PLEKHM1: variants seen among roughly 807,000 people sequenced by gnomAD.
PLEKHM1 encodes the protein pleckstrin homology and RUN domain containing M1, also known as pleckstrin homology domain-containing family M member 1.
Under a neutral mutation model 94.3 loss-of-function variants are expected in PLEKHM1, and 28 were observed. The ratio of observed to expected loss-of-function variants is 0.30; its 90% CI spans 0.22 to 0.41. PLEKHM1 has a LOEUF of 0.41. Ranked by LOEUF, PLEKHM1 falls within the 10% of genes least tolerant of loss-of-function variation. PLEKHM1 has a pLI of 1.00. For missense variants in PLEKHM1, 907 were observed against 1,358.6 expected (o/e 0.67, Z 5.22); for synonymous variants, 424 against 581.2 (o/e 0.73, Z 3.89).
intron 5 of PLEKHM1, among the ~76,000 whole-genome samples, chr17:45,464,550 G>A (rs980111708): frequency 2.6e-5 from 4 of 152,114 alleles, no homozygotes; most frequent in African/African-American, 4.8e-5. Flanking sequence ...AGGCCCACAT[G>A]AGCTGGCAGG....
At chr17:45,479,007 C>T (rs938229592) in intron 2 of PLEKHM1, among the ~76,000 whole-genome samples, 6 of 123,866 alleles carry the variant, frequency 4.8e-5, no homozygotes, top group African/African-American at 1.8e-4. Context: ...CTCCTGAGGA[C>T]AGGACTACCT....
intron 4 of PLEKHM1, among the ~76,000 whole-genome samples, chr17:45,474,306 C>T (rs2037442): frequency 0.56 from 84,796 of 151,846 alleles, 23,653 homozygotes; most frequent in South Asian, 0.62. Context: ...ATCCACCTGC[C>T]TTGGCCTCCC....
At chr17:45,470,165 G>C (rs1353386481) in intron 4 of PLEKHM1, among the ~76,000 whole-genome samples, 9 of 152,140 alleles carry the variant, frequency 5.9e-5, no homozygotes, top group Non-Finnish European at 8.8e-5. Context: ...GAGATAAGTG[G>C]ATAATCACAT....
intron 6 of PLEKHM1, chr17:45,454,518 C>T (rs1398330950): frequency 6.5e-6 from 4 of 615,242 alleles, no homozygotes; most frequent in Non-Finnish European, 1.2e-5. Flanking sequence ...CAAAAGATCC[C>T]CTCCACACGC....
In PLEKHM1 at chr17:45,468,374, G is replaced by C. The variant is rs763507030; in HGVS notation, c.1143C>G (p.Pro381=). 1 of 1,614,140 alleles carries C rather than the reference G, an allele frequency of 6.2e-7. No homozygotes were observed. The highest frequency in any genetic ancestry group is 8.5e-7 in the Non-Finnish European group (1 of 1,180,012). ...CAGGCTGCTGTAAGTCCAGGGGGCT[G>C]GGCGCCTGGGGACGCGGCTCCTGCA... The part of the protein sequence containing the change: ...VHVQEPRPQA[P]SPLDLQQPVE... Residue 381 remains proline, a synonymous_variant, in exon 5 of 12, where the codon CCC becomes CCG. Coordinates refer to ENST00000430334, the MANE Select transcript of PLEKHM1 (RefSeq NM_014798.3).
rs775474818 is a variant in PLEKHM1 at position 45,437,569 on chromosome 17, C to T, written c.*289G>A. 2.5e-5 allele frequency: 16 copies of T among 637,036 alleles called. No homozygotes were observed. Among genetic ancestry groups the T allele is most frequent in the South Asian group, 1.5e-4 (10 of 66,106 alleles). 39.5% of individuals were successfully genotyped at this position (637,036 alleles called of 1,614,324 possible). A position where few individuals can be genotyped will look rare whatever the true frequency, so the allele number is the denominator to read the frequency against. ...GGCAGCCCTAACGGAGGCGCCGGGACGCTGGTGAGCCAGGGCCTGGTGAGT... is the reference window on the plus strand; with the variant it reads ...GGCAGCCCTAACGGAGGCGCCGGGATGCTGGTGAGCCAGGGCCTGGTGAGT... On this transcript the variant is annotated 3_prime_UTR_variant, in exon 12 of 12. Transcript: ENST00000430334. This position sits in a 1 kb window ranked among gnomAD's most constrained non-coding sequence, Gnocchi z 4.0.
chr17:45,437,775 T>C lies in PLEKHM1; in HGVS notation c.*83A>G, dbSNP rs1178516708. On this transcript the variant is annotated 3_prime_UTR_variant, in exon 12 of 12. Transcript: ENST00000430334. The surrounding 1 kb of genome is among the most constrained non-coding windows in gnomAD (Gnocchi z 4.0). Reference sequence around the variant, plus strand: ...GGGGACACAGCTGTGACACGGTGAGTATCCTGGGCTGATGGCAAACCCAGC... The same window carrying C: ...GGGGACACAGCTGTGACACGGTGAGCATCCTGGGCTGATGGCAAACCCAGC... The C allele has an allele frequency of 9.7e-7, 1 of 1,026,050 alleles. No homozygotes were observed. Among genetic ancestry groups the C allele is most frequent in the African/African-American group, 1.6e-5 (1 of 63,908 alleles). The allele number at this position is 1,026,050 out of a possible 1,614,324, so 63.6% of individuals were successfully genotyped here.
At chr17:45,461,432 T>C (rs1485517502) in intron 5 of PLEKHM1, among the ~76,000 whole-genome samples, 5 of 152,242 alleles carry the variant, frequency 3.3e-5, no homozygotes, top group Non-Finnish European at 5.9e-5. Context: ...GTTTTTGTGC[T>C]TCTGGTGTTG....
rs1567754773 is a variant in PLEKHM1, at chr17:45,436,908, G to T, written c.*950C>A. ...TCCTGCCTATCTGTGCCCTGGCAGGGGTCAGTCAGGCAGAGAGTGTGACCC... is the reference window on the plus strand; with the variant it reads ...TCCTGCCTATCTGTGCCCTGGCAGGTGTCAGTCAGGCAGAGAGTGTGACCC... On this transcript the variant is annotated 3_prime_UTR_variant, in exon 12 of 12. Coordinates refer to ENST00000430334, the MANE Select transcript of PLEKHM1 (RefSeq NM_014798.3). The T allele has an allele frequency of 4.4e-6, 2 of 451,084 alleles. No individual in the cohort carries two copies. Among genetic ancestry groups the T allele is most frequent in the East Asian group, 1.4e-4 (2 of 14,282 alleles). The allele number at this position is 451,084 out of a possible 1,614,324, so 27.9% of individuals were successfully genotyped here.
At chr17:45,475,968 C>T (rs909718329) in intron 3 of PLEKHM1, 20 of 584,934 alleles carry the variant, frequency 3.4e-5, no homozygotes, top group African/African-American at 5.6e-5. Flanking sequence ...GGCAACAGGA[C>T]GAAACTCTGT....
At chr17:45,461,132 C>T (rs1477842309) in intron 5 of PLEKHM1, among the ~76,000 whole-genome samples, 1 of 152,144 alleles carries the variant, frequency 6.6e-6, no homozygotes, top group African/African-American at 2.4e-5. Flanking sequence ...CATGATCCAC[C>T]CGCCTCGGCC....
intron 5 of PLEKHM1, among the ~76,000 whole-genome samples, chr17:45,464,983 T>C (rs1256991963): frequency 2.0e-5 from 3 of 152,126 alleles, no homozygotes; most frequent in Non-Finnish European, 4.4e-5. Context: ...ACACATCTTG[T>C]ATGATTCTGG....
At chr17:45,451,807 C>T (rs1039192400) in intron 7 of PLEKHM1, among the ~76,000 whole-genome samples, 8 of 152,264 alleles carry the variant, frequency 5.3e-5, no homozygotes, top group Admixed American at 1.3e-4. Context: ...CACCCACAGG[C>T]GAGGAACCCT....
intron 8 of PLEKHM1, among the ~76,000 whole-genome samples, chr17:45,448,650 T>C (rs1471478207): frequency 6.6e-6 from 1 of 152,160 alleles, no homozygotes; most frequent in Non-Finnish European, 1.5e-5. Flanking sequence ...AGGACACTGT[T>C]CTTACTGACA....
intron 1 of PLEKHM1, among the ~76,000 whole-genome samples, chr17:45,486,821 T>C (rs916263624): frequency 6.6e-6 from 1 of 152,160 alleles, no homozygotes; most frequent in Admixed American, 6.5e-5. Context: ...TGTTCCATCA[T>C]GCTCAGGGAG....
intron 4 of PLEKHM1, among the ~76,000 whole-genome samples, chr17:45,470,719 C>T (rs980958020): frequency 2.0e-5 from 3 of 150,784 alleles, no homozygotes; most frequent in Non-Finnish European, 4.4e-5. Context: ...AGTGCAGTGG[C>T]GCCATCTCGG....
intron 8 of PLEKHM1, among the ~76,000 whole-genome samples, chr17:45,450,045 C>T (rs1161624577): frequency 6.6e-6 from 1 of 152,000 alleles, no homozygotes; most frequent in East Asian, 1.9e-4. Flanking sequence ...ACCCATCCAC[C>T]TAACCATCTG....
intron 8 of PLEKHM1, chr17:45,447,914 C>T (rs1181621276): frequency 6.6e-6 from 1 of 152,084 alleles, no homozygotes; most frequent in Non-Finnish European, 1.5e-5. Flanking sequence ...CCTCCTACCT[C>T]AGCCTCCGGA....
chr17:45,473,338 C>A (rs2051578358), intron 4 of PLEKHM1, among the ~76,000 whole-genome samples: 1 of 152,060 alleles, frequency 6.6e-6, no homozygotes, highest in Non-Finnish European at 1.5e-5. Context: ...CCTGTAATCC[C>A]CAGCAATTTG....
Sources: allele counts gnomAD v4.1 joint callset (sites outside exome capture counted in the v4.1 genomes callset), GRCh38; gene constraint gnomAD v4.1.1; non-coding constraint Gnocchi (gnomAD v3.1); transcripts MANE v1.5; gene names NCBI Gene and HGNC (gene_info 2026-07-23, HGNC 2026-07-21).